The following B4GALT5 variants were observed in gnomAD, a reference collection of about 807,000 sequenced individuals.
B4GALT5 encodes UDP-Gal:beta-GlcNAc beta-1,4-galactosyltransferase 5.
Under a neutral mutation model 45.0 loss-of-function variants are expected in B4GALT5, and 11 were observed. That is an observed-to-expected ratio of 0.24 (90% CI 0.15 to 0.40). The LOEUF is 0.40. B4GALT5 is among the 10% of genes least tolerant of loss of function. The pLI, the probability that B4GALT5 is intolerant of heterozygous loss-of-function variation, is 1.00. For missense variants in B4GALT5, 337 were observed against 500.2 expected (o/e 0.67, Z 3.11); for synonymous variants, 185 against 182.9 (o/e 1.01, Z -0.09).
chr20:49,639,934 C>CA, intron 6 of B4GALT5, 134 bp from the exon 7 acceptor site: 1 of 1,256,456 alleles, frequency 8.0e-7, no homozygotes, highest in Non-Finnish European at 1.1e-6. Context: ...ATCAAATTAG[C>CA]AAAATTAATT....
At chr20:49,696,426 A>T (rs529676798) in intron 1 of B4GALT5, among the ~76,000 whole-genome samples, 1 of 152,218 alleles carries the variant, frequency 6.6e-6, no homozygotes, top group Non-Finnish European at 1.5e-5. Context: ...TTTCCCATGA[A>T]GTTTTCCACA....
intron 1 of B4GALT5, among the ~76,000 whole-genome samples, chr20:49,705,755 A>C (rs1255285882): frequency 6.6e-6 from 1 of 152,190 alleles, no homozygotes; most frequent in Non-Finnish European, 1.5e-5. Context: ...ACAATAGTCC[A>C]GTCTCCTCAG....
intron 1 of B4GALT5, among the ~76,000 whole-genome samples, chr20:49,692,485 A>C (rs1441170244): frequency 6.6e-6 from 1 of 152,174 alleles, no homozygotes; most frequent in African/African-American, 2.4e-5. Flanking sequence ...AAACAAAACA[A>C]AAACAATAGA....
At chr20:49,663,080 T>C (rs1427121391) in intron 1 of B4GALT5, among the ~76,000 whole-genome samples, 2 of 152,208 alleles carry the variant, frequency 1.3e-5, no homozygotes, top group Admixed American at 6.5e-5. Context: ...TCTCTCACAC[T>C]TTATGTGACA....
chr20:49,659,294 T>C (rs1029998682), intron 1 of B4GALT5, among the ~76,000 whole-genome samples: 2 of 152,230 alleles, frequency 1.3e-5, no homozygotes, highest in Admixed American at 6.5e-5. Context: ...CCTGAGCTGC[T>C]GCTACAGCAA....
chr20:49,701,888 A>C (rs1174891752), intron 1 of B4GALT5, among the ~76,000 whole-genome samples: 1 of 152,116 alleles, frequency 6.6e-6, no homozygotes, highest in Non-Finnish European at 1.5e-5. Flanking sequence ...AAAATGGTGA[A>C]ACCCCATCTC....
At chr20:49,710,074 G>A (rs1419727209) in intron 1 of B4GALT5, among the ~76,000 whole-genome samples, 3 of 152,224 alleles carry the variant, frequency 2.0e-5, no homozygotes, top group South Asian at 4.2e-4. Flanking sequence ...CAGTATACAT[G>A]GACAATTCAT....
At chr20:49,663,616 C>T (rs1255739055) in intron 1 of B4GALT5, among the ~76,000 whole-genome samples, 1 of 142,112 alleles carries the variant, frequency 7.0e-6, no homozygotes, top group Non-Finnish European at 1.5e-5. Flanking sequence ...AAGTAGGAGG[C>T]TGGCTTGAGC....
In B4GALT5 at chr20:49,701,366, C is replaced by T. The variant is rs1250356860; in HGVS notation, c.115+12210G>A. On this transcript the variant is annotated intron_variant, in intron 1 of 8. Coordinates refer to ENST00000371711, the MANE Select transcript of B4GALT5 (RefSeq NM_004776.4). Reference sequence around the variant, plus strand: ...GAAAAAAAAATATGTATCAAATTGTCAAATTTTACTAAGTCAGAGCTGTGG... The same window carrying T: ...GAAAAAAAAATATGTATCAAATTGTTAAATTTTACTAAGTCAGAGCTGTGG... 2.0e-5 allele frequency among the ~76,000 whole-genome samples: 3 copies of T among 152,234 alleles called. No individual in the cohort carries two copies. In the East Asian group the frequency reaches 5.8e-4, roughly 29 times the overall value.
chr20:49,695,956 G>A (rs1212311209), intron 1 of B4GALT5, among the ~76,000 whole-genome samples: 1 of 152,162 alleles, frequency 6.6e-6, no homozygotes, highest in African/African-American at 2.4e-5. Context: ...ATCTTCCAAA[G>A]GGCTAAGAAA....
At chr20:49,703,800 T>G (rs992407898) in intron 1 of B4GALT5, among the ~76,000 whole-genome samples, 1 of 150,794 alleles carries the variant, frequency 6.6e-6, no homozygotes, top group Non-Finnish European at 1.5e-5. Context: ...GAGGCAGCAG[T>G]ATCACACGAA....
intron 1 of B4GALT5, among the ~76,000 whole-genome samples, chr20:49,671,292 T>A (rs1600542707): frequency 6.6e-6 from 1 of 152,172 alleles, no homozygotes; most frequent in South Asian, 2.1e-4. Flanking sequence ...GGTGGATCAC[T>A]TGAACTTGGG....
chr20:49,706,851 T>C lies in B4GALT5; in HGVS notation c.115+6725A>G, dbSNP rs2085886266. Among the ~76,000 whole-genome samples the C allele has an allele frequency of 2.0e-5, 3 of 152,188 alleles. No homozygotes were observed. The South Asian group carries it at 6.2e-4, about 31-fold the overall frequency. On this transcript the variant is annotated intron_variant, in intron 1 of 8. Coordinates refer to ENST00000371711, the MANE Select transcript of B4GALT5 (RefSeq NM_004776.4). The stretch of plus-strand genomic sequence containing the variant: ...TGCTAAGGTTTTTCTTTGCCTTATG[T>C]GATTAGATGTGCCGAACATACTTCC...
intron 2 of B4GALT5, among the ~76,000 whole-genome samples, chr20:49,654,935 G>A (rs1459126067): frequency 2.6e-5 from 4 of 151,872 alleles, no homozygotes; most frequent in Admixed American, 1.3e-4. Flanking sequence ...GGTGAAAGCC[G>A]TGTCTACAAA....
intron 1 of B4GALT5, among the ~76,000 whole-genome samples, chr20:49,693,885 T>C (rs939265192): frequency 1.3e-5 from 2 of 152,094 alleles, no homozygotes; most frequent in African/African-American, 4.8e-5. Flanking sequence ...TCCCAGAAAG[T>C]GACCTTACAA....
rs763635550 is a variant in B4GALT5 at position 49,687,793 on chromosome 20, A to AATTT, written c.115+25782_115+25783insAAAT. 1.3e-4 allele frequency among the ~76,000 whole-genome samples: 20 copies of AATTT among 152,286 alleles called. No homozygotes were observed. In the East Asian group the frequency reaches 3.3e-3, roughly 25 times the overall value. On this transcript the variant is annotated intron_variant, in intron 1 of 8. Coordinates refer to ENST00000371711, the MANE Select transcript of B4GALT5 (RefSeq NM_004776.4). Reference sequence around the variant, plus strand: ...AATGCACATGTGCAAGATTTGCATAAAGTAGCCTCTGCTTCTGGCTATGAC... The same window carrying AATTT: ...AATGCACATGTGCAAGATTTGCATAAATTTAGTAGCCTCTGCTTCTGGCTATGAC...
At chr20:49,677,588 T>C (rs539263553) in intron 1 of B4GALT5, among the ~76,000 whole-genome samples, 7 of 152,346 alleles carry the variant, frequency 4.6e-5, no homozygotes, top group South Asian at 2.1e-4. Context: ...TTTTGAAGAA[T>C]TGTCTGCAAA....
chr20:49,638,722 TAA>T (rs796812415), intron 7 of B4GALT5, among the ~76,000 whole-genome samples: 1 of 145,444 alleles, frequency 6.9e-6, no homozygotes. Flanking sequence ...GGACAGAGCT[TAA>T]AAAAAAAAAG....
intron 1 of B4GALT5, among the ~76,000 whole-genome samples, chr20:49,687,646 G>A (rs1338127557): frequency 6.6e-6 from 1 of 151,752 alleles, no homozygotes; most frequent in African/African-American, 2.4e-5. Flanking sequence ...TCTGTCCTGG[G>A]AAAAAATAAA....
Sources: allele counts gnomAD v4.1 joint callset (sites outside exome capture counted in the v4.1 genomes callset), GRCh38; gene constraint gnomAD v4.1.1; transcripts MANE v1.5; gene names NCBI Gene and HGNC (gene_info 2026-07-23, HGNC 2026-07-21).